The following CFAP299 variants were observed in gnomAD, a reference collection of about 807,000 sequenced individuals.
CFAP299 encodes cilia- and flagella-associated protein 299.
A neutral mutation model predicts 27.0 loss-of-function variants in CFAP299; 21 were observed. That is an observed-to-expected ratio of 0.78 (90% CI 0.55 to 1.12). The LOEUF (loss-of-function observed/expected upper bound fraction) is 1.12, where lower values mean the gene tolerates loss of function less well. Among genes scored for constraint, CFAP299 ranks in the 50% most tolerant of loss-of-function variants. CFAP299 has a pLI of 0.00. For synonymous variants in CFAP299, 104 were observed against 98.1 expected (o/e 1.06, Z -0.36); for missense variants, 310 against 276.6 (o/e 1.12, Z -0.86).
intron 3 of CFAP299, among the ~76,000 whole-genome samples, chr4:80,805,029 G>A (rs895835655): frequency 9.7e-4 from 147 of 151,878 alleles, no homozygotes; most frequent in African/African-American, 3.3e-3. Context: ...TTTTGTGTAC[G>A]TTCTATAGCT....
rs186399503 is a variant in CFAP299, at chr4:80,877,653, C to T, written c.476+7518C>T. ...TTACTCTACATAAGATTTTTTCCAA[C>T]TTTTTAAAATTTTTGGTCAAAAATA... On this transcript the variant is annotated intron_variant, in intron 4 of 5. Transcript: ENST00000358105. Among the ~76,000 whole-genome samples the T allele has an allele frequency of 9.2e-3, 1,395 of 152,200 alleles. 10 individuals are homozygous for T. Among genetic ancestry groups the T allele is most frequent in the Non-Finnish European group, 0.012 (840 of 67,986 alleles).
intron 2 of CFAP299, among the ~76,000 whole-genome samples, chr4:80,514,374 A>G (rs1356838623): frequency 6.6e-6 from 1 of 152,128 alleles, no homozygotes; most frequent in Admixed American, 6.6e-5. Flanking sequence ...GAGGTAGCCA[A>G]TAATTACAGT....
chr4:80,547,786 A>G (rs1200874662), intron 2 of CFAP299, among the ~76,000 whole-genome samples: 1 of 152,232 alleles, frequency 6.6e-6, no homozygotes, highest in Non-Finnish European at 1.5e-5. Context: ...AATGTTTGTC[A>G]TCATTAATCA....
Position 80,657,652 on chromosome 4 carries a change from C to T in CFAP299, c.333+74469C>T, listed in dbSNP as rs539390924. ...GTAACCTTGTAATATAGTTTGAAAT[C>T]AGGTAGCATGATGCCTCCAGCTTTG... On this transcript the variant is annotated intron_variant, in intron 3 of 5. Transcript: ENST00000358105. Among the ~76,000 whole-genome samples the T allele has an allele frequency of 3.3e-5, 5 of 152,246 alleles. No homozygotes were observed. The East Asian group carries it at 7.7e-4, about 23-fold the overall frequency.
At chr4:80,443,266 A>G (rs141990949) in intron 2 of CFAP299, among the ~76,000 whole-genome samples, 1,785 of 152,290 alleles carry the variant, frequency 0.012, 19 homozygotes, top group Middle Eastern at 0.024. Flanking sequence ...TTGAGCATCA[A>G]TGCAAAAATC....
At chr4:80,608,410 C>T in intron 3 of CFAP299, 1 of 1,461,146 alleles carries the variant, frequency 6.8e-7, no homozygotes. Flanking sequence ...GAAAAGTTTC[C>T]TTTACAAGTT....
chr4:80,376,338 C>G (rs187079327), intron 2 of CFAP299, among the ~76,000 whole-genome samples: 8 of 152,042 alleles, frequency 5.3e-5, no homozygotes, highest in African/African-American at 1.7e-4. Flanking sequence ...TGGGCTGTTT[C>G]TAGTTTTTGG....
At chr4:80,476,455 A>G (rs191561436) in intron 2 of CFAP299, among the ~76,000 whole-genome samples, 125 of 152,242 alleles carry the variant, frequency 8.2e-4, no homozygotes, top group Middle Eastern at 3.4e-3. Context: ...ACTTTTTGAT[A>G]CTAATAGAAA....
At chr4:80,655,637 T>A (rs1206415194) in intron 3 of CFAP299, among the ~76,000 whole-genome samples, 1 of 152,166 alleles carries the variant, frequency 6.6e-6, no homozygotes, top group Non-Finnish European at 1.5e-5. Context: ...CCCATTCTAT[T>A]TTCTTAAAAT....
chr4:80,866,059 T>TATATATATATATATATA (rs1732710818), intron 3 of CFAP299, among the ~76,000 whole-genome samples: 1 of 58,374 alleles, frequency 1.7e-5, no homozygotes, highest in African/African-American at 3.8e-5. Context: ...ACTTAAAGTA[T>TATATATATATATATATA]TATATATATA....
chr4:80,853,921 A>T (rs1731676032), intron 3 of CFAP299, among the ~76,000 whole-genome samples: 1 of 152,172 alleles, frequency 6.6e-6, no homozygotes, highest in Non-Finnish European at 1.5e-5. Flanking sequence ...GAGAAGAGAG[A>T]AAAGAATATA....
chr4:80,640,642 G>A (rs10016658), intron 3 of CFAP299, among the ~76,000 whole-genome samples: 94,216 of 151,978 alleles, frequency 0.62, 32,573 homozygotes, highest in Non-Finnish European at 0.77. Context: ...TTCCCCCAAA[G>A]TGAACTCCAG....
At chr4:80,888,292 A>C (rs565987630) in intron 4 of CFAP299, among the ~76,000 whole-genome samples, 2 of 152,260 alleles carry the variant, frequency 1.3e-5, no homozygotes, top group South Asian at 4.1e-4. Context: ...GGGATGAAAA[A>C]AGATATTCCA....
chr4:80,756,603 T>C (rs1309241406), intron 3 of CFAP299, among the ~76,000 whole-genome samples: 1 of 152,100 alleles, frequency 6.6e-6, no homozygotes, highest in Non-Finnish European at 1.5e-5. Flanking sequence ...TTATGACACA[T>C]ACAAAATGAC....
chr4:80,401,057 G>T (rs1465192681), intron 2 of CFAP299, among the ~76,000 whole-genome samples: 2 of 152,186 alleles, frequency 1.3e-5, no homozygotes, highest in African/African-American at 4.8e-5. Flanking sequence ...AGGGTATCTG[G>T]TGGAAGAAAT....
At chr4:80,364,229 T>C (rs1723705988) in intron 2 of CFAP299, among the ~76,000 whole-genome samples, 1 of 151,876 alleles carries the variant, frequency 6.6e-6, no homozygotes, top group Non-Finnish European at 1.5e-5. Flanking sequence ...TGTCTTGAGG[T>C]TCTGAGGATG....
chr4:80,338,232 T>C (rs552609747), intron 1 of CFAP299, among the ~76,000 whole-genome samples: 1 of 152,288 alleles, frequency 6.6e-6, no homozygotes, highest in East Asian at 1.9e-4. Flanking sequence ...ATTATATATA[T>C]TGTGGAATGG....
At chr4:80,606,509 T>C (rs1431572700) in intron 3 of CFAP299, among the ~76,000 whole-genome samples, 1 of 152,108 alleles carries the variant, frequency 6.6e-6, no homozygotes, top group Non-Finnish European at 1.5e-5. Flanking sequence ...CACTCCAGCC[T>C]GGGCAACAGA....
chr4:80,500,195 A>C (rs1217539348), intron 2 of CFAP299, among the ~76,000 whole-genome samples: 1 of 152,002 alleles, frequency 6.6e-6, no homozygotes, highest in Non-Finnish European at 1.5e-5. Context: ...TATTCTACCT[A>C]GTCTCTCTGA....
Sources: allele counts gnomAD v4.1 joint callset (sites outside exome capture counted in the v4.1 genomes callset), GRCh38; gene constraint gnomAD v4.1.1; transcripts MANE v1.5; gene names NCBI Gene and HGNC (gene_info 2026-07-23, HGNC 2026-07-21).